GALNT13: variants seen among roughly 807,000 people sequenced by gnomAD.
The protein encoded by GALNT13 is UDP-GalNAc:polypeptide N-acetylgalactosaminyltransferase 13.
In GALNT13, 28 loss-of-function variants were observed where a neutral mutation model predicts 64.2. That is an observed-to-expected ratio of 0.44 (90% CI 0.32 to 0.60). The LOEUF (loss-of-function observed/expected upper bound fraction) is 0.60, where lower values mean the gene tolerates loss of function less well. GALNT13 is among the 20% of genes least tolerant of loss of function. GALNT13 has a pLI of 0.05. For missense variants in GALNT13, 577 were observed against 669.8 expected, an observed-to-expected ratio of 0.86 and a Z score of 1.53; for synonymous variants, 214 against 224.6, an observed-to-expected ratio of 0.95 and a Z score of 0.42.
chr2:153,664,020 A>G, the GALNT13 span, among the ~76,000 whole-genome samples: 5 of 152,212 alleles, frequency 3.3e-5, no homozygotes, highest in Non-Finnish European at 5.9e-5. Flanking sequence ...TAAAGATCAC[A>G]AGGCAAAATT....
the GALNT13 span, among the ~76,000 whole-genome samples, chr2:153,507,619 G>T: frequency 1.3e-5 from 2 of 152,036 alleles, no homozygotes; most frequent in Non-Finnish European, 2.9e-5. Flanking sequence ...ACTTTTCTCT[G>T]GTGCCTGCTT....
At chr2:153,099,509 A>C in the GALNT13 span, among the ~76,000 whole-genome samples, 1 of 152,214 alleles carries the variant, frequency 6.6e-6, no homozygotes, top group Non-Finnish European at 1.5e-5. Flanking sequence ...CTGCTAATAA[A>C]GGCAGGCAAA....
chr2:154,372,761 C>T (rs1335286844), intron 9 of GALNT13, among the ~76,000 whole-genome samples: 7 of 151,970 alleles, frequency 4.6e-5, no homozygotes, highest in African/African-American at 1.7e-4. Flanking sequence ...GTGATTATCA[C>T]TTTTTATTCT....
intron 3 of GALNT13, among the ~76,000 whole-genome samples, chr2:154,131,554 A>G (rs1682618513): frequency 6.6e-6 from 1 of 151,962 alleles, no homozygotes; most frequent in South Asian, 2.1e-4. Context: ...TTTCTTTTTC[A>G]TTCCCCAACA....
At chr2:154,147,700 C>G (rs1180572449) in intron 4 of GALNT13, among the ~76,000 whole-genome samples, 4 of 151,818 alleles carry the variant, frequency 2.6e-5, no homozygotes, top group African/African-American at 9.7e-5. Context: ...TACCAAATAC[C>G]TATTTGTTTG....
the GALNT13 span, among the ~76,000 whole-genome samples, chr2:153,425,977 T>G: frequency 2.9e-4 from 44 of 152,044 alleles, no homozygotes; most frequent in Middle Eastern, 0.014. Context: ...AAAAAACTTC[T>G]TAGCTCATCT....
Position 153,978,483 on chromosome 2 carries a change from G to A in GALNT13, c.142+33844G>A, listed in dbSNP as rs72866836. 3.2e-3 allele frequency among the ~76,000 whole-genome samples: 493 copies of A among 152,236 alleles called. 1 individual carries two copies. Among genetic ancestry groups the A allele is most frequent in the Middle Eastern group, 0.01 (3 of 292 alleles). On this transcript the variant is annotated intron_variant, in intron 3 of 12. Coordinates refer to ENST00000392825, the MANE Select transcript of GALNT13 (RefSeq NM_052917.4). ...CTTGAATTCCCATGTGTTGTGGGAGGGACCCTGGGGAGGTAATTGAATCAT... is the reference window on the plus strand; with the variant it reads ...CTTGAATTCCCATGTGTTGTGGGAGAGACCCTGGGGAGGTAATTGAATCAT...
the GALNT13 span, among the ~76,000 whole-genome samples, chr2:153,214,995 C>G: frequency 6.6e-6 from 1 of 151,948 alleles, no homozygotes; most frequent in African/African-American, 2.4e-5. Context: ...AGTTTGAATC[C>G]CCTTGAATCT....
At chr2:154,019,016 T>G (rs572772758) in intron 3 of GALNT13, among the ~76,000 whole-genome samples, 1 of 151,892 alleles carries the variant, frequency 6.6e-6, no homozygotes, top group African/African-American at 2.4e-5. Flanking sequence ...AGTAAAGAGA[T>G]GTATGAAGAG....
At chr2:153,086,099 A>G in the GALNT13 span, among the ~76,000 whole-genome samples, 45 of 152,236 alleles carry the variant, frequency 3.0e-4, no homozygotes, top group East Asian at 5.8e-4. Context: ...GTTTTGTCCA[A>G]TTTCTCCTAT....
At chr2:153,284,756 C>T in the GALNT13 span, among the ~76,000 whole-genome samples, 1 of 152,012 alleles carries the variant, frequency 6.6e-6, no homozygotes, top group South Asian at 2.1e-4. Flanking sequence ...TTTCTGGGAC[C>T]TGTGGTGTCC....
the GALNT13 span, among the ~76,000 whole-genome samples, chr2:153,716,917 A>T: frequency 6.6e-6 from 1 of 152,064 alleles, no homozygotes; most frequent in African/African-American, 2.4e-5. Flanking sequence ...TCTTAAAGAG[A>T]ATCTGTTCCT....
the GALNT13 span, among the ~76,000 whole-genome samples, chr2:153,241,192 G>A: frequency 1.3e-5 from 2 of 152,088 alleles, no homozygotes; most frequent in African/African-American, 2.4e-5. Context: ...GATCACATTC[G>A]GTGAGCTCTA....
the GALNT13 span, among the ~76,000 whole-genome samples, chr2:153,347,517 C>G: frequency 6.6e-6 from 1 of 151,982 alleles, no homozygotes; most frequent in African/African-American, 2.4e-5. Flanking sequence ...CAGAGGAGTT[C>G]GTTTAAAAAA....
chr2:153,549,010 A>G, the GALNT13 span, among the ~76,000 whole-genome samples: 1 of 152,356 alleles, frequency 6.6e-6, no homozygotes, highest in East Asian at 1.9e-4. Context: ...GCCAGACACA[A>G]GAGGCTACAT....
At chr2:154,181,064 A>T (rs1388683489) in intron 4 of GALNT13, among the ~76,000 whole-genome samples, 3 of 152,202 alleles carry the variant, frequency 2.0e-5, no homozygotes, top group Non-Finnish European at 4.4e-5. Flanking sequence ...TCACAGGGCC[A>T]ACTGATAGAC....
chr2:153,522,140 C>A, the GALNT13 span, among the ~76,000 whole-genome samples: 1 of 152,158 alleles, frequency 6.6e-6, no homozygotes, highest in South Asian at 2.1e-4. Context: ...TGAGACCAGC[C>A]TGGCCAACAT....
the GALNT13 span, among the ~76,000 whole-genome samples, chr2:153,192,324 T>A: frequency 6.6e-6 from 1 of 152,118 alleles, no homozygotes; most frequent in Non-Finnish European, 1.5e-5. Flanking sequence ...GTTGCTTAAT[T>A]TTCATGTATT....
At chr2:153,360,122 C>T in the GALNT13 span, among the ~76,000 whole-genome samples, 22 of 152,294 alleles carry the variant, frequency 1.4e-4, no homozygotes, top group Admixed American at 2.0e-4. Flanking sequence ...ACTGACTAGG[C>T]AGCTGGCATG....
Sources: allele counts gnomAD v4.1 joint callset (sites outside exome capture counted in the v4.1 genomes callset), GRCh38; gene constraint gnomAD v4.1.1; transcripts MANE v1.5; gene names NCBI Gene and HGNC (gene_info 2026-07-23, HGNC 2026-07-21).